Variants in FAM174A observed in about 807,000 individuals in gnomAD.
The protein encoded by FAM174A is family with sequence similarity 174 member A, also known as membrane protein FAM174A.
Under a neutral mutation model 14.3 loss-of-function variants are expected in FAM174A, and 14 were observed. The observed-to-expected ratio is 0.98, with a 90% CI of 0.65 to 1.53. The LOEUF is 1.53. Ranked by LOEUF, FAM174A falls within the 40% of genes most tolerant of loss-of-function variation. The pLI, the probability that FAM174A is intolerant of heterozygous loss-of-function variation, is 0.00. For missense variants in FAM174A, 241 were observed against 249.6 expected, an observed-to-expected ratio of 0.97 and a Z score of 0.23; for synonymous variants, 108 against 111.4, an observed-to-expected ratio of 0.97 and a Z score of 0.19.
At chr5:100,570,121 C>G (rs1250257090) in intron 2 of FAM174A, among the ~76,000 whole-genome samples, 1 of 151,806 alleles carries the variant, frequency 6.6e-6, no homozygotes, top group African/African-American at 2.4e-5. Context: ...CTATTTTTTT[C>G]AGAGTCTAAA....
At chr5:100,581,492 C>A in intron 2 of FAM174A, 1 of 587,604 alleles carries the variant, frequency 1.7e-6, no homozygotes, top group Non-Finnish European at 2.1e-6. Flanking sequence ...GTGGCTCATG[C>A]CTGTGATCCC....
At chr5:100,569,682 G>A (rs956216645) in intron 2 of FAM174A, among the ~76,000 whole-genome samples, 2 of 151,864 alleles carry the variant, frequency 1.3e-5, no homozygotes, top group Admixed American at 6.6e-5. Flanking sequence ...GAGCAAATTG[G>A]ATAGATTCAT....
intron 1 of FAM174A, among the ~76,000 whole-genome samples, chr5:100,557,637 G>T (rs1746422146): frequency 6.6e-6 from 1 of 152,138 alleles, no homozygotes; most frequent in African/African-American, 2.4e-5. Context: ...TCTATTCAGA[G>T]ATTCAACTTC....
chr5:100,537,171 G>T (rs778668662), intron 1 of FAM174A, among the ~76,000 whole-genome samples: 2 of 152,112 alleles, frequency 1.3e-5, no homozygotes, highest in African/African-American at 2.4e-5. Flanking sequence ...GTTTATATCT[G>T]TGCGAAGATG....
intron 2 of FAM174A, among the ~76,000 whole-genome samples, chr5:100,577,766 C>T (rs1405598044): frequency 6.6e-6 from 1 of 151,874 alleles, no homozygotes; most frequent in East Asian, 1.9e-4. Context: ...TAGGATAGTT[C>T]CTACTTAATT....
intron 1 of FAM174A, among the ~76,000 whole-genome samples, chr5:100,542,858 G>A (rs954522478): frequency 6.6e-6 from 1 of 151,906 alleles, no homozygotes; most frequent in South Asian, 2.1e-4. Context: ...GTGTGTGTGT[G>A]TGTGTGTATA....
At chr5:100,558,414 G>A (rs1208621983) in intron 1 of FAM174A, among the ~76,000 whole-genome samples, 2 of 152,184 alleles carry the variant, frequency 1.3e-5, no homozygotes, top group African/African-American at 2.4e-5. Flanking sequence ...TGTATATTCT[G>A]TTGATTTGGG....
chr5:100,550,155 G>A (rs1023376288), intron 1 of FAM174A, among the ~76,000 whole-genome samples: 4 of 152,080 alleles, frequency 2.6e-5, no homozygotes, highest in Non-Finnish European at 4.4e-5. Flanking sequence ...TAAATATTAG[G>A]GATTCTAGTT....
At chr5:100,566,802 A>G (rs1434403487) in intron 2 of FAM174A, among the ~76,000 whole-genome samples, 1 of 151,920 alleles carries the variant, frequency 6.6e-6, no homozygotes, top group African/African-American at 2.4e-5. Flanking sequence ...GTTGTAATCT[A>G]TGCTAATCAT....
chr5:100,538,708 A>C (rs1233127206), intron 1 of FAM174A, among the ~76,000 whole-genome samples: 4 of 152,124 alleles, frequency 2.6e-5, no homozygotes, highest in African/African-American at 9.7e-5. Context: ...AGCACTCTTC[A>C]TGTATTATAT....
At chr5:100,552,610 T>C (rs989514896) in intron 1 of FAM174A, among the ~76,000 whole-genome samples, 1 of 152,182 alleles carries the variant, frequency 6.6e-6, no homozygotes, top group African/African-American at 2.4e-5. Context: ...TGAAATTAAA[T>C]GGAATTTTAT....
chr5:100,582,582 T>C (rs573543754), intron 2 of FAM174A, among the ~76,000 whole-genome samples: 12 of 152,270 alleles, frequency 7.9e-5, no homozygotes, highest in African/African-American at 2.9e-4. Context: ...TAAAGTTGTA[T>C]AATTAGAATT....
intron 1 of FAM174A, among the ~76,000 whole-genome samples, chr5:100,541,216 A>G (rs1270597547): frequency 2.6e-5 from 4 of 152,184 alleles, no homozygotes; most frequent in African/African-American, 9.6e-5. Flanking sequence ...GAGCTTATCT[A>G]GTGAAGGAGT....
At chr5:100,557,750 G>A (rs2112380887) in intron 1 of FAM174A, among the ~76,000 whole-genome samples, 1 of 152,096 alleles carries the variant, frequency 6.6e-6, no homozygotes, top group African/African-American at 2.4e-5. Flanking sequence ...ATTATCTGAT[G>A]GTAGTTTGTA....
At chr5:100,576,092 G>A (rs1746898509) in intron 2 of FAM174A, among the ~76,000 whole-genome samples, 1 of 152,156 alleles carries the variant, frequency 6.6e-6, no homozygotes, top group Non-Finnish European at 1.5e-5. Context: ...CTTTCTGAGA[G>A]TGGTGTTTTT....
chr5:100,571,199 G>A (rs1032495894), intron 2 of FAM174A, among the ~76,000 whole-genome samples: 22 of 151,388 alleles, frequency 1.5e-4, no homozygotes, highest in Admixed American at 4.0e-4. Context: ...TCTTTATCAT[G>A]TTTTGATATT....
At chr5:100,556,040 T>C (rs1746371659) in intron 1 of FAM174A, among the ~76,000 whole-genome samples, 1 of 152,232 alleles carries the variant, frequency 6.6e-6, no homozygotes, top group Admixed American at 6.5e-5. Context: ...TGAATGGTAT[T>C]GCCTAGGTTT....
At position 100,562,004 on chromosome 5, in the gene FAM174A, A is replaced by C. The variant is rs763181469; in HGVS notation, c.435-50A>C. 2.1e-5 allele frequency: 21 copies of C among 1,017,610 alleles called. No homozygotes were observed. The East Asian group carries it at 6.4e-4, about 31-fold the overall frequency. 63.0% of individuals were successfully genotyped at this position (1,017,610 alleles called of 1,614,324 possible). On this transcript the variant is annotated intron_variant, in intron 1 of 2. Transcript: ENST00000312637. ...TAATTTATTTTATAAATAAATATAA[A>C]CTATGCCATATTAAATAATTTTTAT...
intron 1 of FAM174A, among the ~76,000 whole-genome samples, chr5:100,561,224 A>G (rs937917485): frequency 5.3e-5 from 8 of 152,006 alleles, no homozygotes; most frequent in African/African-American, 1.9e-4. Flanking sequence ...AATGAATGTT[A>G]AGCACCCTTG....
Sources: gnomAD v4.1 joint callset for allele counts (sites outside exome capture counted in the v4.1 genomes callset) on GRCh38, gnomAD v4.1.1 for gene constraint, MANE v1.5 for transcripts, NCBI Gene and HGNC (gene_info 2026-07-23, HGNC 2026-07-21) for gene names.